The following ANKRD35 variants were observed in gnomAD, a reference collection of about 807,000 sequenced individuals.
The protein encoded by ANKRD35 is ankyrin repeat domain 35, also known as ankyrin repeat domain-containing protein 35.
A neutral mutation model predicts 109.9 loss-of-function variants in ANKRD35; 102 were observed. That is an observed-to-expected ratio of 0.93 (90% confidence interval 0.79 to 1.09). ANKRD35 has a LOEUF of 1.09. Among genes scored for constraint, ANKRD35 ranks in the 50% least tolerant of loss-of-function variants. ANKRD35 has a pLI of 0.00. For synonymous variants in ANKRD35, 515 were observed against 512.4 expected (o/e 1.01, Z -0.07); for missense variants, 1,240 against 1,230.1 (o/e 1.01, Z -0.12).
chr1:145,884,534 C>A (rs1213190879), intron 1 of ANKRD35, among the ~76,000 whole-genome samples: 7 of 152,208 alleles, frequency 4.6e-5, no homozygotes, highest in Non-Finnish European at 1.0e-4. Flanking sequence ...GTAACCCCAA[C>A]CTCTACAGAA....
At position 145,868,393 on chromosome 1, in the gene ANKRD35, T is replaced by A; in HGVS notation, c.2795A>T (p.Glu932Val). 1 of 1,614,140 alleles carries A rather than the reference T, an allele frequency of 6.2e-7. No homozygotes were observed. The highest frequency in any genetic ancestry group is 8.5e-7 in the Non-Finnish European group (1 of 1,180,014). ...AAGCTGCTCCAGCTTCTTCAACAACTCCTTGATCTGAGGCCAAGAGGAAAG... is the reference window on the plus strand; with the variant it reads ...AAGCTGCTCCAGCTTCTTCAACAACACCTTGATCTGAGGCCAAGAGGAAAG... ...ACRDKEAKIK[E>V]LLKKLEQLSE... is the part of the protein sequence containing the mutation. Residue 932 changes from glutamate to valine, a missense_variant, in exon 11 of 14, where the codon GAG becomes GTG. Coordinates refer to ENST00000355594, the MANE Select transcript of ANKRD35 (RefSeq NM_144698.5).
chr1:145,869,371 G>A (rs180713660), intron 10 of ANKRD35, among the ~76,000 whole-genome samples: 22 of 152,116 alleles, frequency 1.4e-4, no homozygotes, highest in East Asian at 9.7e-4. Context: ...TAGTAGAGGC[G>A]GGGTTTCACT....
chr1:145,883,920 A>G (rs1654387785), intron 1 of ANKRD35, among the ~76,000 whole-genome samples: 2 of 152,210 alleles, frequency 1.3e-5, no homozygotes, highest in Non-Finnish European at 2.9e-5. Flanking sequence ...CTTACTTCCC[A>G]TAATCTCATT....
At chr1:145,885,263 T>C (rs1654434288) in intron 1 of ANKRD35, among the ~76,000 whole-genome samples, 1 of 152,000 alleles carries the variant, frequency 6.6e-6, no homozygotes, top group Non-Finnish European at 1.5e-5. Context: ...AGGATAGAGC[T>C]ACGTGGAAGG....
chr1:145,869,509 C>CT (rs34948025), intron 10 of ANKRD35, among the ~76,000 whole-genome samples: 71,742 of 151,230 alleles, frequency 0.47, 17,433 homozygotes, highest in East Asian at 0.73. Context: ...CAGGGTCTCA[C>CT]CTGCCACCCA....
At position 145,873,947 on chromosome 1, in the gene ANKRD35, C is replaced by G. The variant is rs1653959993; in HGVS notation, c.822G>C (p.Lys274Asn). The G allele has an allele frequency of 6.2e-7, 1 of 1,614,034 alleles. No individual in the cohort carries two copies. Among genetic ancestry groups the G allele is most frequent in the African/African-American group, 1.3e-5 (1 of 74,918 alleles). The change falls in exon 10 of 14, where the codon AAG becomes AAC. Residue 274 changes from lysine (K) to asparagine (N), a missense_variant. Physicochemically the swap from Lys to Asn is moderately conservative, Grantham distance 94. Coordinates refer to ENST00000355594, the MANE Select transcript of ANKRD35 (RefSeq NM_144698.5). The stretch of plus-strand genomic sequence containing the variant: ...CTTCAGGCTCTGCTCTCCATGAGCT[C>G]TTAGGAGGAGAACCTGCCTGGGGCT... ...PSEPQAGSPPKSSWRAEPEEE... is the reference protein window; with the variant it reads ...PSEPQAGSPPNSSWRAEPEEE...
At chr1:145,885,580 G>A (rs2101722921) in intron 1 of ANKRD35, 140 bp downstream of exon 1, 1 of 1,010,010 alleles carries the variant, frequency 9.9e-7, no homozygotes, top group Non-Finnish European at 1.5e-6. Context: ...GGCAAAGCTG[G>A]CGGGCTTCCT....
intron 4 of ANKRD35, 89 bp downstream of exon 4, chr1:145,877,879 A>C: frequency 7.4e-7 from 1 of 1,351,174 alleles, no homozygotes; most frequent in Non-Finnish European, 1.1e-6. Context: ...ACATTTGGCC[A>C]ACTATTCCTT....
In ANKRD35 at chr1:145,871,989, T is replaced by A; in HGVS notation, c.2780A>T (p.Glu927Val). ...EHLIGACRDK[E>V]AKIKELLKKL... is the part of the protein sequence containing the mutation. The stretch of plus-strand genomic sequence containing the variant: ...GCTACCTCAGCTGCTCACCTTGGCT[T>A]CCTTGTCTCGGCAAGCCCCAATGAG... Residue 927 changes from glutamate to valine, a missense_variant, in exon 10 of 14, where the codon GAA (glutamate) becomes GTA (valine). Transcript: ENST00000355594. 1 of 1,610,822 alleles carries A rather than the reference T, an allele frequency of 6.2e-7. No homozygotes were observed. The highest frequency in any genetic ancestry group is 8.5e-7 in the Non-Finnish European group (1 of 1,179,942).
At chr1:145,882,129 T>C (rs1231342800) in intron 1 of ANKRD35, among the ~76,000 whole-genome samples, 24 of 151,474 alleles carry the variant, frequency 1.6e-4, no homozygotes, top group Admixed American at 1.6e-3. Flanking sequence ...TAATTTTTTG[T>C]ATTTTTAGTA....
At chr1:145,875,908 G>A (rs1265080476) in intron 7 of ANKRD35, among the ~76,000 whole-genome samples, 1 of 152,118 alleles carries the variant, frequency 6.6e-6, no homozygotes, top group South Asian at 2.1e-4. Context: ...CAGCCAACGG[G>A]TCCAGAAGTG....
chr1:145,870,299 A>G (rs1478034327), intron 10 of ANKRD35, among the ~76,000 whole-genome samples: 8 of 151,792 alleles, frequency 5.3e-5, no homozygotes, highest in Non-Finnish European at 8.8e-5. Flanking sequence ...TCACCGTGTT[A>G]GCCAGGATGG....
chr1:145,879,332 A>G lies in ANKRD35; in HGVS notation c.96T>C (p.Asp32=). The change falls in exon 2 of 14, where the codon GAT becomes GAC. Residue 32 remains aspartate, a synonymous_variant. Transcript: ENST00000355594. ...AGGCCAGGGCAGCCACGCGTCCCACATCCCCCCTGTGCACTGCCTCCAGCA... is the reference window on the plus strand; with the variant it reads ...AGGCCAGGGCAGCCACGCGTCCCACGTCCCCCCTGTGCACTGCCTCCAGCA... ...QKLLEAVHRG[D]VGRVAALASR... 2 of 1,610,722 alleles carry G rather than the reference A, an allele frequency of 1.2e-6. No homozygotes were observed. The highest frequency in any genetic ancestry group is 1.7e-5 in the Admixed American group (1 of 59,626).
rs930913890 is a variant in ANKRD35 at position 145,868,730 on chromosome 1, A to T, written c.2788-330T>A. ...AAAATTTGCACACATTATGATTAAA[A>T]GTGGGCCTCTACTGTGATGATTCCT... On this transcript the variant is annotated intron_variant, in intron 10 of 13. Transcript: ENST00000355594. 1.1e-4 allele frequency among the ~76,000 whole-genome samples: 17 copies of T among 152,328 alleles called. No homozygotes were observed. In the East Asian group the frequency reaches 2.9e-3, roughly 26 times the overall value.
intron 2 of ANKRD35, 109 bp downstream of exon 2, chr1:145,879,149 T>C (rs1231639255): frequency 8.2e-6 from 11 of 1,337,744 alleles, no homozygotes; most frequent in Non-Finnish European, 1.1e-5. Flanking sequence ...ATTAAGACAA[T>C]GAAAAGAGCT....
chr1:145,882,436 C>T (rs1553741294), intron 1 of ANKRD35, among the ~76,000 whole-genome samples: 1 of 150,628 alleles, frequency 6.6e-6, no homozygotes, highest in Non-Finnish European at 1.5e-5. Flanking sequence ...GCTGGGACTA[C>T]AGGCATGCTC....
At position 145,879,253 on chromosome 1, in the gene ANKRD35, C is replaced by G; in HGVS notation, c.170+5G>C. 6.2e-7 allele frequency: 1 copy of G among 1,600,906 alleles called. No homozygotes were observed. The highest frequency in any genetic ancestry group is 8.5e-7 in the Non-Finnish European group (1 of 1,173,858). On this transcript the variant is annotated splice_donor_5th_base_variant and intron_variant, in intron 2 of 13. Coordinates refer to ENST00000355594, the MANE Select transcript of ANKRD35 (RefSeq NM_144698.5). ...TAAGGGGCAGGGGCAGGAGGACTGA[C>G]TTACGGGGACTGGCCATTCGAGTCA...
At chr1:145,874,045 T>G in intron 9 of ANKRD35, 60 bp from the exon 10 acceptor site, 1 of 1,611,308 alleles carries the variant, frequency 6.2e-7, no homozygotes, top group East Asian at 2.2e-5. Context: ...GCCCTAGGAG[T>G]GCCTTTCTTC....
chr1:145,885,629 A>G, intron 1 of ANKRD35, 91 bp downstream of exon 1: 5 of 1,416,906 alleles, frequency 3.5e-6, no homozygotes, highest in Non-Finnish European at 5.0e-6. Flanking sequence ...ATAAAAAGAA[A>G]AGGCGATGAT....
Sources: allele counts gnomAD v4.1 joint callset (sites outside exome capture counted in the v4.1 genomes callset), GRCh38; gene constraint gnomAD v4.1.1; transcripts MANE v1.5; gene names NCBI Gene and HGNC (gene_info 2026-07-23, HGNC 2026-07-21).